AXIN1: variants seen among roughly 807,000 people sequenced by gnomAD.
AXIN1 encodes the protein axin-1.
In AXIN1, 30 loss-of-function variants were observed where a neutral mutation model predicts 76.4. The ratio of observed to expected loss-of-function variants is 0.39; its 90% CI spans 0.29 to 0.53. AXIN1 has a LOEUF of 0.53. AXIN1 is among the 20% of genes least tolerant of loss of function. The pLI is 0.66. For missense variants in AXIN1, 1,140 were observed against 1,198.8 expected (o/e 0.95, Z 0.72); for synonymous variants, 545 against 501.4 (o/e 1.09, Z -1.16).
At chr16:317,280 C>T (rs1272686351) in intron 2 of AXIN1, among the ~76,000 whole-genome samples, 3 of 152,178 alleles carry the variant, frequency 2.0e-5, no homozygotes, top group East Asian at 1.9e-4. Context: ...GGCAGGGCCT[C>T]GCTGCACGGG....
chr16:337,969 T>C (rs560384620), intron 2 of AXIN1, among the ~76,000 whole-genome samples: 1 of 152,332 alleles, frequency 6.6e-6, no homozygotes, highest in South Asian at 2.1e-4. Context: ...TAATGGGTTC[T>C]GAGAGAACCC....
chr16:289,312 C>T lies in AXIN1; in HGVS notation c.2462+128G>A, dbSNP rs998374935. The T allele has an allele frequency of 1.4e-5, 18 of 1,243,090 alleles. No homozygotes were observed. In the African/African-American group the frequency reaches 2.7e-4, roughly 18 times the overall value. 77.0% of individuals were successfully genotyped at this position (1,243,090 alleles called of 1,614,324 possible). On this transcript the variant is annotated intron_variant, in intron 10 of 10. Transcript: ENST00000262320. ...AACTGCTGAGCTGAGGCAATCCGCC[C>T]ACCTCAGCCTCCCAAAGTGCCAGGA...
At position 297,990 on chromosome 16, in the gene AXIN1, G is replaced by C. The variant is rs1347554311; in HGVS notation, c.1516C>G (p.Leu506Val). ...SGHVAKMPVA[L>V]GGAASGHGKH... ...CCGTGCCCCGAGGCGGCACCCCCCAGTGCCACTGGCATCTTGGCCACGTGC... is the reference window on the plus strand; with the variant it reads ...CCGTGCCCCGAGGCGGCACCCCCCACTGCCACTGGCATCTTGGCCACGTGC... The change falls in exon 6 of 11, where the codon CTG becomes GTG. Residue 506 changes from leucine to valine, a missense_variant. This residue lies in a region of AXIN1 where 708 missense variants were observed against 776.9 expected (regional missense o/e 0.91). Coordinates refer to ENST00000262320, the MANE Select transcript of AXIN1 (RefSeq NM_003502.4). 6.2e-7 allele frequency: 1 copy of C among 1,601,418 alleles called. No homozygotes were observed. Among genetic ancestry groups the C allele is most frequent in the African/African-American group, 1.3e-5 (1 of 74,896 alleles).
rs1303419495 is a variant in AXIN1, at chr16:297,883, G to C, written c.1623C>G (p.His541Gln). The change falls in exon 6 of 11, where the codon CAC becomes CAG. Residue 541 changes from histidine to glutamine, a missense_variant. By Grantham distance (24) the His-to-Gln change is conservative. Around this residue, in one of 3 missense-constraint regions of AXIN1, gnomAD observed 708 missense variants for 776.9 expected, o/e 0.91. Coordinates refer to ENST00000262320, the MANE Select transcript of AXIN1 (RefSeq NM_003502.4). ...HHRHVHHHVH[H>Q]STARPKEQVE... ...CCTGCTCCTTGGGCCGGGCTGTGCT[G>C]TGGTGGACGTGGTGGTGGACGTGTC... is the stretch of plus-strand genomic sequence containing the variant. 10 of 1,589,784 alleles carry C rather than the reference G, an allele frequency of 6.3e-6. No individual in the cohort carries two copies. The highest frequency in any genetic ancestry group is 8.6e-6 in the Non-Finnish European group (10 of 1,167,146).
rs747093980 is a variant in AXIN1 at position 346,844 on chromosome 16, G to A, written c.182C>T (p.Pro61Leu). 7.4e-6 allele frequency: 12 copies of A among 1,613,434 alleles called. No homozygotes were observed. Among genetic ancestry groups the A allele is most frequent in the East Asian group, 4.5e-5 (2 of 44,872 alleles). ...GIKGETSTAT[P>L]RRSDLDLGYE... ...CCCCAGGTCCAGATCCGAGCGCCTC[G>A]GAGTGGCCGTCGAAGTCTCACCTTT... The change falls in exon 2 of 11, where the codon CCG (proline) becomes CTG (leucine). Residue 61 changes from proline (P) to leucine (L), a missense_variant. Pro to Leu is a moderately conservative substitution (Grantham distance 98). Coordinates refer to ENST00000262320, the MANE Select transcript of AXIN1 (RefSeq NM_003502.4).
At chr16:309,520 C>CCAAGGCAGCTTTAA (rs2053119586) in intron 4 of AXIN1, among the ~76,000 whole-genome samples, 1 of 152,206 alleles carries the variant, frequency 6.6e-6, no homozygotes, top group African/African-American at 2.4e-5. Context: ...TTCTATGCAA[C>CCAAGGCAGCTTTAA]AGCGAAAGCC....
chr16:302,873 G>C (rs1317179465), intron 5 of AXIN1, among the ~76,000 whole-genome samples: 2 of 152,182 alleles, frequency 1.3e-5, no homozygotes, highest in Non-Finnish European at 2.9e-5. Flanking sequence ...ATCTGGCTAA[G>C]AGAAAAGCAA....
chr16:314,180 G>A (rs969846562), intron 3 of AXIN1, among the ~76,000 whole-genome samples: 1 of 152,194 alleles, frequency 6.6e-6, no homozygotes, highest in African/African-American at 2.4e-5. Flanking sequence ...CTCATAGGGA[G>A]GTCCCAGCAG....
chr16:299,207 G>A (rs2052801228), intron 5 of AXIN1: 1 of 985,316 alleles, frequency 1.0e-6, no homozygotes, highest in Non-Finnish European at 1.2e-6. Context: ...AAGCTTATCT[G>A]TCAGAGCAAA....
intron 1 of AXIN1, among the ~76,000 whole-genome samples, chr16:348,675 T>C (rs952425284): frequency 6.6e-6 from 1 of 152,160 alleles, no homozygotes; most frequent in Non-Finnish European, 1.5e-5. Flanking sequence ...TGGTAGCGTA[T>C]GCCTGTAGTC....
At chr16:304,494 ATTTC>A in intron 4 of AXIN1, 53 bp from the exon 5 acceptor site, 1 of 1,610,218 alleles carries the variant, frequency 6.2e-7, no homozygotes, top group East Asian at 2.2e-5. Context: ...CAGGCTAAAC[ATTTC>A]TTTGTGAAGG....
At chr16:315,181 C>T (rs2053272230) in intron 2 of AXIN1, among the ~76,000 whole-genome samples, 1 of 152,164 alleles carries the variant, frequency 6.6e-6, no homozygotes, top group South Asian at 2.1e-4. Context: ...CACCTCCTGT[C>T]CCCCTACCTA....
intron 3 of AXIN1, 101 bp from the exon 4 acceptor site, chr16:310,170 G>A (rs937110441): frequency 4.6e-5 from 48 of 1,049,670 alleles, no homozygotes; most frequent in Non-Finnish European, 6.7e-5. Context: ...AGCAGGCAAT[G>A]ATGAGGACAC....
intron 7 of AXIN1, among the ~76,000 whole-genome samples, chr16:294,867 C>G (rs2052666704): frequency 1.3e-5 from 2 of 151,292 alleles, no homozygotes; most frequent in African/African-American, 2.4e-5. Flanking sequence ...TCGAGACCGT[C>G]CTGGCTAACA....
intron 5 of AXIN1, among the ~76,000 whole-genome samples, chr16:302,525 A>T (rs931566456): frequency 1.3e-5 from 2 of 152,204 alleles, no homozygotes; most frequent in African/African-American, 4.8e-5. Flanking sequence ...CCAGCTGCTC[A>T]ACGAGCTATG....
rs35015540 is a variant in AXIN1, at chr16:331,244, G to GA, written c.878+14903dup. 2.1e-3 allele frequency among the ~76,000 whole-genome samples: 310 copies of GA among 151,184 alleles called. 4 individuals are homozygous for GA. The highest frequency in any genetic ancestry group is 6.1e-3 in the African/African-American group (252 of 41,218). On this transcript the variant is annotated intron_variant, in intron 2 of 10. Transcript: ENST00000262320. ...TAGTTAAGGTAAAAATTCTGTACAT[G>GA]AAAAAAAAAATTCTGTACATGAAGC...
chr16:305,239 G>A (rs1042895284), intron 4 of AXIN1, among the ~76,000 whole-genome samples: 2 of 152,200 alleles, frequency 1.3e-5, no homozygotes, highest in Admixed American at 6.5e-5. Context: ...AAGCAGAGGC[G>A]AGCAGATTAC....
In AXIN1 at chr16:291,244, G is replaced by A. The variant is rs773933232; in HGVS notation, c.2240C>T (p.Ala747Val). The change falls in exon 9 of 11, where the codon GCG becomes GTG. Residue 747 changes from alanine to valine, a missense_variant. Coordinates refer to ENST00000262320, the MANE Select transcript of AXIN1 (RefSeq NM_003502.4). Reference protein sequence around the residue: ...RGRACVRPACAPVLHVVPAVS... With the variant: ...RGRACVRPACVPVLHVVPAVS... ...GGCTGGTACCACGTGCAGCACCGGCGCGCACGCTGGCCTGACGCAGGCGCG... is the reference window on the plus strand; with the variant it reads ...GGCTGGTACCACGTGCAGCACCGGCACGCACGCTGGCCTGACGCAGGCGCG... The A allele has an allele frequency of 6.3e-6, 10 of 1,586,686 alleles. No homozygotes were observed. Among genetic ancestry groups the A allele is most frequent in the African/African-American group, 1.3e-5 (1 of 74,732 alleles).
In AXIN1 at chr16:310,692, C is replaced by T. The variant is rs527313165; in HGVS notation, c.1020-623G>A. Reference sequence around the variant, plus strand: ...GAGTAATTACAGGCGCAAGCCACGGCGCCCGGCCAAGGTTTCTACATTTTT... The same window carrying T: ...GAGTAATTACAGGCGCAAGCCACGGTGCCCGGCCAAGGTTTCTACATTTTT... On this transcript the variant is annotated intron_variant, in intron 3 of 10. Transcript: ENST00000262320. Among the ~76,000 whole-genome samples the T allele has an allele frequency of 2.6e-5, 4 of 152,364 alleles. 1 individual carries two copies. Among genetic ancestry groups the T allele is most frequent in the South Asian group, 4.1e-4 (2 of 4,824 alleles).
Sources: allele counts gnomAD v4.1 joint callset (sites outside exome capture counted in the v4.1 genomes callset), GRCh38; gene constraint gnomAD v4.1.1; regional missense constraint gnomAD v4.1.1; transcripts MANE v1.5; gene names NCBI Gene and HGNC (gene_info 2026-07-23, HGNC 2026-07-21).